FSTL5: variants seen among roughly 807,000 people sequenced by gnomAD.
The protein encoded by FSTL5 is follistatin like 5, also known as follistatin-related protein 5.
Under a neutral mutation model 89.1 loss-of-function variants are expected in FSTL5, and 62 were observed. That is an observed-to-expected ratio of 0.70 (90% CI 0.57 to 0.86). The LOEUF is 0.86. Among genes scored for constraint, FSTL5 ranks in the 40% least tolerant of loss-of-function variants. The pLI is 0.00. For missense variants in FSTL5, 1,057 were observed against 1,001.6 expected, an observed-to-expected ratio of 1.06 and a Z score of -0.75; for synonymous variants, 383 against 346.2, an observed-to-expected ratio of 1.11 and a Z score of -1.18.
intron 13 of FSTL5, among the ~76,000 whole-genome samples, chr4:161,472,178 C>T (rs142598758): frequency 0.037 from 5,698 of 152,070 alleles, 154 homozygotes; most frequent in Admixed American, 0.06. Context: ...AGAGTTTCAC[C>T]GTGTTAGCCA....
At chr4:161,589,981 T>C (rs1733752805) in intron 7 of FSTL5, among the ~76,000 whole-genome samples, 1 of 152,098 alleles carries the variant, frequency 6.6e-6, no homozygotes. Context: ...CAACAAAGCC[T>C]GGGAGACTTA....
rs747701615 is a variant in FSTL5, at chr4:161,459,189, C to T, written c.1716+23G>A. ...AAAGCTTTAAAGATTGTTATTTTCT[C>T]TAATATACTGAAATGTACTTACCTG... On this transcript the variant is annotated intron_variant, in intron 14 of 15. Transcript: ENST00000306100. 3 of 1,259,154 alleles carry T rather than the reference C, an allele frequency of 2.4e-6. No individual in the cohort carries two copies. The Admixed American group carries it at 5.2e-5, about 22-fold the overall frequency. 78.0% of individuals were successfully genotyped at this position (1,259,154 alleles called of 1,614,324 possible). A position where few individuals can be genotyped will look rare whatever the true frequency, so the allele number is the denominator to read the frequency against.
At chr4:162,066,934 T>G (rs1178508265) in intron 2 of FSTL5, among the ~76,000 whole-genome samples, 1 of 152,104 alleles carries the variant, frequency 6.6e-6, no homozygotes, top group Non-Finnish European at 1.5e-5. Flanking sequence ...TTATAATCCT[T>G]TGGTTATATA....
intron 3 of FSTL5, among the ~76,000 whole-genome samples, chr4:162,004,388 G>C (rs1468455387): frequency 6.6e-6 from 1 of 152,066 alleles, no homozygotes; most frequent in Non-Finnish European, 1.5e-5. Flanking sequence ...TACTATTATA[G>C]CTGCTGCCAC....
intron 2 of FSTL5, among the ~76,000 whole-genome samples, chr4:162,108,678 C>T (rs984698298): frequency 6.6e-6 from 1 of 151,418 alleles, no homozygotes; most frequent in African/African-American, 2.4e-5. Context: ...TTGTATGATG[C>T]TATTAAAATA....
chr4:161,578,523 A>G (rs1251952660), intron 8 of FSTL5, among the ~76,000 whole-genome samples: 5 of 152,118 alleles, frequency 3.3e-5, no homozygotes, highest in African/African-American at 1.2e-4. Flanking sequence ...TTTGAGTCCA[A>G]ATGGATGGAG....
chr4:161,500,180 A>G (rs529972776), intron 11 of FSTL5, 46 bp from the exon 12 acceptor site: 1 of 1,272,102 alleles, frequency 7.9e-7, no homozygotes, highest in African/African-American at 1.5e-5. Context: ...TAATTATCAT[A>G]AACCTTTACA....
At chr4:161,561,283 T>A (rs1047149375) in intron 8 of FSTL5, among the ~76,000 whole-genome samples, 2 of 152,048 alleles carry the variant, frequency 1.3e-5, no homozygotes, top group Non-Finnish European at 2.9e-5. Flanking sequence ...AGAATTCAAC[T>A]GCAGGAGCTG....
rs34910143 is a variant in FSTL5, at chr4:161,470,385, TAA to T, written c.1608+10633_1608+10634del. 8.2e-3 allele frequency among the ~76,000 whole-genome samples: 1,242 copies of T among 151,590 alleles called. 14 individuals are homozygous for T. The highest frequency in any genetic ancestry group is 0.028 in the African/African-American group (1,174 of 41,354). ...CCACTGAATGGTCTTGGCACCCTTA[TAA>T]AAAAAAATTGACTATATATGTTTAT... On this transcript the variant is annotated intron_variant, in intron 13 of 15. Coordinates refer to ENST00000306100, the MANE Select transcript of FSTL5 (RefSeq NM_020116.5).
intron 2 of FSTL5, among the ~76,000 whole-genome samples, chr4:162,040,777 G>A (rs529990474): frequency 3.3e-5 from 5 of 151,824 alleles, no homozygotes; most frequent in African/African-American, 9.6e-5. Context: ...CAAGGCCTTC[G>A]CTGAACATTC....
At chr4:161,495,542 T>C (rs1017071869) in intron 12 of FSTL5, 1 of 152,080 alleles carries the variant, frequency 6.6e-6, no homozygotes, top group Non-Finnish European at 1.5e-5. Context: ...GAATAAAAGA[T>C]GAAAAATAGC....
At chr4:161,727,822 A>G (rs1739472701) in intron 6 of FSTL5, among the ~76,000 whole-genome samples, 1 of 152,202 alleles carries the variant, frequency 6.6e-6, no homozygotes, top group African/African-American at 2.4e-5. Flanking sequence ...TGGAAAGCTG[A>G]CTTCTTAGTT....
chr4:161,985,474 A>G (rs1037332674), intron 3 of FSTL5, among the ~76,000 whole-genome samples: 1 of 152,090 alleles, frequency 6.6e-6, no homozygotes, highest in Non-Finnish European at 1.5e-5. Context: ...TAGTTTCACC[A>G]TAAATCTTGA....
chr4:162,123,871 A>C (rs1731965122), intron 1 of FSTL5, among the ~76,000 whole-genome samples: 1 of 152,200 alleles, frequency 6.6e-6, no homozygotes, highest in East Asian at 1.9e-4. Context: ...TTTGAAAGAA[A>C]AAAAAAAACT....
intron 1 of FSTL5, among the ~76,000 whole-genome samples, chr4:162,119,320 T>C (rs547409150): frequency 2.0e-5 from 3 of 152,172 alleles, no homozygotes; most frequent in African/African-American, 7.2e-5. Flanking sequence ...TAATTATTCA[T>C]ACTGAATACT....
rs538519968 is a variant in FSTL5 at position 162,163,998 on chromosome 4, A to T, written c.-400T>A. ...CTTTCACCTCCAGTTTGTCTCAGTC[A>T]CTGAACCAGGCTGATTCTCGCTCCT... On this transcript the variant is annotated 5_prime_UTR_variant, in exon 1 of 16. Transcript: ENST00000306100. The T allele has an allele frequency of 2.0e-5, 3 of 152,638 alleles. No individual in the cohort carries two copies. In the South Asian group the frequency reaches 6.2e-4, roughly 32 times the overall value. 9.5% of individuals were successfully genotyped at this position (152,638 alleles called of 1,614,324 possible). A position where few individuals can be genotyped will look rare whatever the true frequency, so the allele number is the denominator to read the frequency against.
chr4:162,001,580 C>T (rs949255551), intron 3 of FSTL5, among the ~76,000 whole-genome samples: 2 of 147,334 alleles, frequency 1.4e-5, no homozygotes, highest in African/African-American at 5.1e-5. Context: ...AAAGTGCCTT[C>T]TGCTAAGGAT....
At chr4:161,535,004 T>A (rs2126535383) in intron 10 of FSTL5, among the ~76,000 whole-genome samples, 1 of 152,190 alleles carries the variant, frequency 6.6e-6, no homozygotes, top group East Asian at 1.9e-4. Context: ...CATCTTGCGA[T>A]AACTGGCTAG....
In FSTL5 at chr4:161,791,263, G is replaced by A. The variant is rs145449017; in HGVS notation, c.410-15189C>T. The stretch of plus-strand genomic sequence containing the variant: ...GAGGGTGATGGAGAGAAAAGAAAGT[G>A]AGCAAAAGCGATCATTTACACACTA... On this transcript the variant is annotated intron_variant, in intron 4 of 15. Transcript: ENST00000306100. Among the ~76,000 whole-genome samples, 231 of 152,162 alleles carry A rather than the reference G, an allele frequency of 1.5e-3. 2 individuals carry two copies. The highest frequency in any genetic ancestry group is 5.6e-4 in the Non-Finnish European group (38 of 67,996).
Sources: gnomAD v4.1 joint callset for allele counts (sites outside exome capture counted in the v4.1 genomes callset) on GRCh38, gnomAD v4.1.1 for gene constraint, MANE v1.5 for transcripts, NCBI Gene and HGNC (gene_info 2026-07-23, HGNC 2026-07-21) for gene names.